Variants in RAB8A observed in about 807,000 individuals in gnomAD.
RAB8A encodes RAB8A, member RAS oncogene family.
In RAB8A, 5 loss-of-function variants were observed where a neutral mutation model predicts 29.2. That is an observed-to-expected ratio of 0.17 (90% CI 0.09 to 0.36). The LOEUF (loss-of-function observed/expected upper bound fraction) is 0.36, where lower values mean the gene tolerates loss of function less well. Ranked by LOEUF, RAB8A falls within the 10% of genes least tolerant of loss-of-function variation. The pLI is 1.00. For synonymous variants in RAB8A, 108 were observed against 99.9 expected, an observed-to-expected ratio of 1.08 and a Z score of -0.49; for missense variants, 171 against 272.2, an observed-to-expected ratio of 0.63 and a Z score of 2.62.
chr19:16,122,122 C>T lies in RAB8A; in HGVS notation c.246+312C>T, dbSNP rs1482035677. 7 of 272,510 alleles carry T rather than the reference C, an allele frequency of 2.6e-5. No homozygotes were observed. Among genetic ancestry groups the T allele is most frequent in the Middle Eastern group, 1.1e-3 (1 of 932 alleles). The allele number at this position is 272,510 out of a possible 1,614,324, so 16.9% of individuals were successfully genotyped here. A position where few individuals can be genotyped will look rare whatever the true frequency, so the allele number is the denominator to read the frequency against. ...CAGTGCAGTTAAAGCCGGCATGCCC[C>T]GACTTTTAGGAGCTGTCACATGACC... On this transcript the variant is annotated intron_variant, in intron 3 of 7. Transcript: ENST00000300935. This position sits in a 1 kb window ranked among gnomAD's most constrained non-coding sequence, Gnocchi z 4.7.
At chr19:16,121,699 G>C (rs1247849277) in intron 2 of RAB8A, 51 bp from the exon 3 acceptor site, 1 of 1,541,468 alleles carries the variant, frequency 6.5e-7, no homozygotes, top group African/African-American at 1.4e-5. Flanking sequence ...CTCCTACTGA[G>C]GACAGTTATT....
In RAB8A at chr19:16,129,615, G is replaced by A. The variant is rs922207852; in HGVS notation, c.531+11G>A. The A allele has an allele frequency of 9.3e-6, 15 of 1,613,192 alleles. No homozygotes were observed. The African/African-American group carries it at 1.7e-4, about 19-fold the overall frequency. On this transcript the variant is annotated intron_variant, in intron 7 of 7. Coordinates refer to ENST00000300935, the MANE Select transcript of RAB8A (RefSeq NM_005370.5). ...ATGGACAAAAAATTGGTGAGTGTGT[G>A]TCCTTCCGAGATCCCCGGGTGGATC...
Position 16,114,377 on chromosome 19 carries a change from CTTT to C in RAB8A, c.124+2369_124+2371del, listed in dbSNP as rs35265465. ...CCCAGCCTTCCCCACAAACCCCCCTCTTTTTTTTTTTTTTTTTTTGAGACAGTC... is the reference window on the plus strand; with the variant it reads ...CCCAGCCTTCCCCACAAACCCCCCTCTTTTTTTTTTTTTTTTGAGACAGTC... On this transcript the variant is annotated intron_variant, in intron 1 of 7. Coordinates refer to ENST00000300935, the MANE Select transcript of RAB8A (RefSeq NM_005370.5). Among the ~76,000 whole-genome samples the C allele has an allele frequency of 6.8e-3, 795 of 117,124 alleles. 7 individuals are homozygous for C. Among genetic ancestry groups the C allele is most frequent in the African/African-American group, 0.024 (727 of 30,210 alleles). The allele number at this position is 117,124 out of a possible 152,430, so 76.8% of individuals were successfully genotyped here.
intron 1 of RAB8A, among the ~76,000 whole-genome samples, chr19:16,117,991 CTTTGCCACCCGCGCCCCCTGGG>C (rs1471038445): frequency 2.6e-5 from 4 of 152,174 alleles, no homozygotes; most frequent in Non-Finnish European, 5.9e-5. Flanking sequence ...AAGAGCAGGG[CTTTGCCACCCGCGCCCCCTGGG>C]TTTGCTCTGC....
intron 6 of RAB8A, 125 bp from the exon 7 acceptor site, chr19:16,129,429 G>T: frequency 1.2e-6 from 1 of 846,294 alleles, no homozygotes. Context: ...TGCCAGAGGC[G>T]GGCATCAAAG....
Position 16,132,293 on chromosome 19 carries a change from G to C in RAB8A, c.613G>C (p.Val205Leu). Residue 205 changes from valine to leucine, a missense_variant, in exon 8 of 8, where the codon GTT (valine) becomes CTT (leucine). Val to Leu is a conservative substitution (Grantham distance 32). Coordinates refer to ENST00000300935, the MANE Select transcript of RAB8A (RefSeq NM_005370.5). This position sits in a 1 kb window ranked among gnomAD's most constrained non-coding sequence, Gnocchi z 5.6. ...QQKRSSFFRC[V>L]LL is the part of the protein sequence containing the mutation. ...GAAGAGGAGCAGCTTTTTCCGATGTGTTCTTCTGTGAGGAACACCGCCTTA... is the reference window on the plus strand; with the variant it reads ...GAAGAGGAGCAGCTTTTTCCGATGTCTTCTTCTGTGAGGAACACCGCCTTA... The C allele has an allele frequency of 5.0e-6, 8 of 1,613,988 alleles. No homozygotes were observed. The highest frequency in any genetic ancestry group is 6.8e-6 in the Non-Finnish European group (8 of 1,179,994).
Position 16,117,942 on chromosome 19 carries a change from C to T in RAB8A, c.125-284C>T, listed in dbSNP as rs145229946. On this transcript the variant is annotated intron_variant, in intron 1 of 7. Coordinates refer to ENST00000300935, the MANE Select transcript of RAB8A (RefSeq NM_005370.5). ...TGTTGAGACCCACTCCGTACAACTG[C>T]CTGGGGTGGGGAGGCGGGTTCAGCT... Among the ~76,000 whole-genome samples, 3 of 152,244 alleles carry T rather than the reference C, an allele frequency of 2.0e-5. No individual in the cohort carries two copies. In the East Asian group the frequency reaches 5.8e-4, roughly 29 times the overall value.
Position 16,132,598 on chromosome 19 carries a change from G to A in RAB8A, c.*294G>A, listed in dbSNP as rs923115574. 16 of 389,862 alleles carry A rather than the reference G, an allele frequency of 4.1e-5. No individual in the cohort carries two copies. The highest frequency in any genetic ancestry group is 2.2e-4 in the South Asian group (9 of 40,634). 24.2% of individuals were successfully genotyped at this position (389,862 alleles called of 1,614,324 possible). A position where few individuals can be genotyped will look rare whatever the true frequency, so the allele number is the denominator to read the frequency against. On this transcript the variant is annotated 3_prime_UTR_variant, in exon 8 of 8. Transcript: ENST00000300935. The surrounding 1 kb of genome is among the most constrained non-coding windows in gnomAD (Gnocchi z 5.6). ...AGAGAGAGGGAGTCAAGGTGTGACC[G>A]TCGACCACAGCCAGTGTCAGGCCTC... is the stretch of plus-strand genomic sequence containing the variant.
chr19:16,128,183 C>T, intron 6 of RAB8A, 92 bp downstream of exon 6: 1 of 1,342,306 alleles, frequency 7.4e-7, no homozygotes, highest in Admixed American at 1.9e-5. Context: ...GGAGGTCCTG[C>T]CAGACGGACC....
At chr19:16,117,491 A>G (rs1417623100) in intron 1 of RAB8A, among the ~76,000 whole-genome samples, 1 of 151,638 alleles carries the variant, frequency 6.6e-6, no homozygotes, top group Non-Finnish European at 1.5e-5. Flanking sequence ...TCCATCTCAA[A>G]AAAAAAAAAA....
Position 16,132,289 on chromosome 19 carries a change from ATG to A in RAB8A, c.613_614del (p.Val205SerfsTer10). 6 of 1,613,902 alleles carry A rather than the reference ATG, an allele frequency of 3.7e-6. No individual in the cohort carries two copies. Among genetic ancestry groups the A allele is most frequent in the African/African-American group, 1.3e-5 (1 of 74,974 alleles). On this transcript the variant is annotated frameshift_variant, in exon 8 of 8. Coordinates refer to ENST00000300935, the MANE Select transcript of RAB8A (RefSeq NM_005370.5). LOFTEE classifies it high-confidence loss of function. This position sits in a 1 kb window ranked among gnomAD's most constrained non-coding sequence, Gnocchi z 5.6. ...DQQKRSSFFR[C>X]VLL ...AGCAGAAGAGGAGCAGCTTTTTCCGATGTGTTCTTCTGTGAGGAACACCGCCT... is the reference window on the plus strand; with the variant it reads ...AGCAGAAGAGGAGCAGCTTTTTCCGATGTTCTTCTGTGAGGAACACCGCCT...
At chr19:16,121,705 T>C in intron 2 of RAB8A, 45 bp from the exon 3 acceptor site, 2 of 1,572,282 alleles carry the variant, frequency 1.3e-6, no homozygotes, top group Non-Finnish European at 1.8e-6. Flanking sequence ...CTGAGGACAG[T>C]TATTTTCCTT....
Position 16,123,183 on chromosome 19 carries a change from C to T in RAB8A, c.246+1373C>T, listed in dbSNP as rs138497848. Among the ~76,000 whole-genome samples the T allele has an allele frequency of 6.3e-3, 954 of 152,346 alleles. 12 individuals are homozygous for T. Among genetic ancestry groups the T allele is most frequent in the African/African-American group, 0.02 (833 of 41,580 alleles). On this transcript the variant is annotated intron_variant, in intron 3 of 7. Coordinates refer to ENST00000300935, the MANE Select transcript of RAB8A (RefSeq NM_005370.5). ...AGGTAAATGGCTAGGCTGGGCTGGG[C>T]TGTTTGTCTCTAGCACCCACATCCT...
Position 16,125,347 on chromosome 19 carries a change from C to CCT in RAB8A, c.247-123_247-122insCT. 1 of 787,678 alleles carries CCT rather than the reference C, an allele frequency of 1.3e-6. No individual in the cohort carries two copies. The highest frequency in any genetic ancestry group is 1.6e-5 in the South Asian group (1 of 61,588). 48.8% of individuals were successfully genotyped at this position (787,678 alleles called of 1,614,324 possible). A position where few individuals can be genotyped will look rare whatever the true frequency, so the allele number is the denominator to read the frequency against. On this transcript the variant is annotated intron_variant, in intron 3 of 7. Transcript: ENST00000300935. The surrounding 1 kb of genome is among the most constrained non-coding windows in gnomAD (Gnocchi z 5.0). ...GGCTCCACAGAGGTGGGGAGGGCGG[C>CCT]AGCTAATGGGCCTGGCTGTGCAGTG...
chr19:16,118,365 C>T (rs1035554085), intron 2 of RAB8A, 79 bp downstream of exon 2: 34 of 1,328,616 alleles, frequency 2.6e-5, no homozygotes, highest in Admixed American at 1.1e-4. Context: ...CTCCCTCCAC[C>T]GTCCCTGTGA....
At chr19:16,118,799 C>T (rs761167925) in intron 2 of RAB8A, among the ~76,000 whole-genome samples, 9 of 152,184 alleles carry the variant, frequency 5.9e-5, no homozygotes, top group African/African-American at 1.9e-4. Context: ...AGCGGAGGGC[C>T]GGGCCCCATG....
At chr19:16,119,798 G>T (rs1239027518) in intron 2 of RAB8A, among the ~76,000 whole-genome samples, 3 of 147,224 alleles carry the variant, frequency 2.0e-5, no homozygotes, top group African/African-American at 7.7e-5. Flanking sequence ...AAAAAAAAAT[G>T]ACTGGTTTTT....
rs532267606 is a variant in RAB8A at position 16,132,412 on chromosome 19, C to A, written c.*108C>A. 41 of 1,050,980 alleles carry A rather than the reference C, an allele frequency of 3.9e-5. No homozygotes were observed. The South Asian group carries it at 5.6e-4, about 14-fold the overall frequency. 65.1% of individuals were successfully genotyped at this position (1,050,980 alleles called of 1,614,324 possible). On this transcript the variant is annotated 3_prime_UTR_variant, in exon 8 of 8. Transcript: ENST00000300935. This position sits in a 1 kb window ranked among gnomAD's most constrained non-coding sequence, Gnocchi z 5.6. ...CCCACCTCCAACGCCCCGCCCACGC[C>A]GCGGCCACCGGGCCCACGGCCACCA...
intron 1 of RAB8A, among the ~76,000 whole-genome samples, chr19:16,117,406 T>C (rs906481337): frequency 3.9e-4 from 59 of 151,972 alleles, no homozygotes; most frequent in African/African-American, 1.1e-3. Context: ...GGAGAATCAC[T>C]TGAACCTGGG....
Sources: allele counts gnomAD v4.1 joint callset (sites outside exome capture counted in the v4.1 genomes callset), GRCh38; gene constraint gnomAD v4.1.1; non-coding constraint Gnocchi (gnomAD v3.1); transcripts MANE v1.5; gene names NCBI Gene and HGNC (gene_info 2026-07-23, HGNC 2026-07-21).